The following SPTAN1 variants were observed in gnomAD, a reference collection of about 807,000 sequenced individuals.
The protein encoded by SPTAN1 is spectrin alpha, non-erythrocytic 1.
A neutral mutation model predicts 331.3 loss-of-function variants in SPTAN1; 61 were observed. That is an observed-to-expected ratio of 0.18 (90% CI 0.15 to 0.23). The LOEUF (loss-of-function observed/expected upper bound fraction) is 0.23. Among genes scored for constraint, SPTAN1 ranks in the 10% least tolerant of loss-of-function variants. The pLI is 1.00. For missense variants in SPTAN1, 2,043 were observed against 3,147.9 expected, an observed-to-expected ratio of 0.65 and a Z score of 8.40; for synonymous variants, 1,153 against 1,173.9, an observed-to-expected ratio of 0.98 and a Z score of 0.36.
At chr9:128,581,735 T>G (rs776004002) in intron 11 of SPTAN1, 47 bp from the exon 12 acceptor site, 9 of 1,462,190 alleles carry the variant, frequency 6.2e-6, no homozygotes, top group Non-Finnish European at 8.6e-6. Context: ...TCTTAGAAGA[T>G]CAAAGGAATA....
chr9:128,579,205 A>G (rs191522386), intron 9 of SPTAN1, among the ~76,000 whole-genome samples: 124 of 152,282 alleles, frequency 8.1e-4, no homozygotes, highest in African/African-American at 3.0e-3. Context: ...TTGCAATGAG[A>G]TAAGCTGATT....
At chr9:128,594,092 A>G in intron 23 of SPTAN1, 83 bp from the exon 24 acceptor site, 1 of 1,303,522 alleles carries the variant, frequency 7.7e-7, no homozygotes, top group Middle Eastern at 2.1e-4. Flanking sequence ...CATCTTGGAG[A>G]CACCTCGTGG....
intron 31 of SPTAN1, among the ~76,000 whole-genome samples, chr9:128,606,496 T>G (rs13283766): frequency 2.7e-4 from 34 of 126,626 alleles, no homozygotes; most frequent in Non-Finnish European, 4.3e-4. Flanking sequence ...TATTTTTTTT[T>G]TGGGGGGGGA....
At chr9:128,630,404 A>G (rs1194811926) in intron 52 of SPTAN1, 29 bp downstream of exon 52, 2 of 1,611,286 alleles carry the variant, frequency 1.2e-6, no homozygotes, top group Non-Finnish European at 1.7e-6. Context: ...CTGGCCCAGC[A>G]GAGACCCTTC....
At chr9:128,596,985 C>T (rs1251516310) in intron 24 of SPTAN1, among the ~76,000 whole-genome samples, 1 of 152,154 alleles carries the variant, frequency 6.6e-6, no homozygotes, top group Non-Finnish European at 1.5e-5. Flanking sequence ...CATGGCAAAA[C>T]CCCATCTCTG....
At chr9:128,619,273 A>G (rs1030498425) in intron 44 of SPTAN1, among the ~76,000 whole-genome samples, 1 of 152,140 alleles carries the variant, frequency 6.6e-6, no homozygotes. Flanking sequence ...TCTTCATATC[A>G]GTTTCCTGGG....
At chr9:128,614,330 G>A (rs1856884988) in intron 40 of SPTAN1, among the ~76,000 whole-genome samples, 1 of 152,022 alleles carries the variant, frequency 6.6e-6, no homozygotes, top group African/African-American at 2.4e-5. Flanking sequence ...GGTGAGTCAT[G>A]CCTGTAATCG....
At chr9:128,619,740 T>C (rs1252925804) in intron 44 of SPTAN1, among the ~76,000 whole-genome samples, 2 of 152,370 alleles carry the variant, frequency 1.3e-5, no homozygotes, top group African/African-American at 2.4e-5. Flanking sequence ...TCACCATCTC[T>C]TGAGGGGGAC....
intron 27 of SPTAN1, 147 bp downstream of exon 27, chr9:128,600,262 TAA>T (rs776714593): frequency 4.2e-5 from 37 of 876,446 alleles, no homozygotes; most frequent in Non-Finnish European, 6.8e-5. Flanking sequence ...CTGAATCTGT[TAA>T]CTCTAAAATG....
At position 128,555,207 on chromosome 9, in the gene SPTAN1, G is replaced by A. The variant is rs919159748; in HGVS notation, c.-4+2511G>A. ...GTGGGATTTAGACGCTATACAGAAT[G>A]TCAGAGAGAAGACACTGAAAAAATA... On this transcript the variant is annotated intron_variant, in intron 1 of 56. Transcript: ENST00000372739. 3.0e-5 allele frequency: 15 copies of A among 504,282 alleles called. No homozygotes were observed. In the Admixed American group the frequency reaches 4.7e-4, roughly 16 times the overall value. The allele number at this position is 504,282 out of a possible 1,614,324, so 31.2% of individuals were successfully genotyped here.
chr9:128,576,545 CTATT>C (rs977609801), intron 5 of SPTAN1, among the ~76,000 whole-genome samples: 7 of 152,174 alleles, frequency 4.6e-5, no homozygotes, highest in African/African-American at 1.7e-4. Flanking sequence ...TGTTGCCAAA[CTATT>C]TATTAACATA....
At chr9:128,566,437 G>A (rs1850047043) in intron 1 of SPTAN1, among the ~76,000 whole-genome samples, 1 of 152,146 alleles carries the variant, frequency 6.6e-6, no homozygotes, top group Non-Finnish European at 1.5e-5. Context: ...TGAAGCCTTT[G>A]TAGAATTGAC....
chr9:128,602,528 A>C (rs1200831277), intron 27 of SPTAN1, among the ~76,000 whole-genome samples: 3 of 148,190 alleles, frequency 2.0e-5, no homozygotes, highest in Non-Finnish European at 3.0e-5. Context: ...CTTGTTCTTT[A>C]CTCAAAGGGT....
At chr9:128,608,550 CTGTT>C (rs1345045869) in intron 34 of SPTAN1, among the ~76,000 whole-genome samples, 6 of 152,064 alleles carry the variant, frequency 3.9e-5, no homozygotes, top group African/African-American at 7.2e-5. Context: ...AGATGTAAAA[CTGTT>C]TGATTTATAC....
Position 128,633,627 on chromosome 9 carries a change from C to A in SPTAN1, c.*293C>A, listed in dbSNP as rs1317750308. ...TCCCACCCTCCCCCAAATCTGTTTT[C>A]ATGTAAAAGACAAATAAATGATGAC... On this transcript the variant is annotated 3_prime_UTR_variant, in exon 57 of 57. Coordinates refer to ENST00000372739, the MANE Select transcript of SPTAN1 (RefSeq NM_001130438.3). 7 of 1,304,540 alleles carry A rather than the reference C, an allele frequency of 5.4e-6. No individual in the cohort carries two copies. Among genetic ancestry groups the A allele is most frequent in the Non-Finnish European group, 7.4e-6 (7 of 945,444 alleles). 80.8% of individuals were successfully genotyped at this position (1,304,540 alleles called of 1,614,324 possible). A position where few individuals can be genotyped will look rare whatever the true frequency, so the allele number is the denominator to read the frequency against.
intron 1 of SPTAN1, among the ~76,000 whole-genome samples, chr9:128,556,025 G>C (rs1444114756): frequency 6.6e-6 from 1 of 151,976 alleles, no homozygotes; most frequent in East Asian, 1.9e-4. Context: ...TTCAAGACCA[G>C]CCTGGCCAAC....
At chr9:128,609,397 G>A (rs2131638320) in intron 36 of SPTAN1, 113 bp downstream of exon 36, 1 of 1,512,872 alleles carries the variant, frequency 6.6e-7, no homozygotes, top group Non-Finnish European at 9.0e-7. Flanking sequence ...AAGTCAGTGA[G>A]AAATATTTCA....
Position 128,581,793 on chromosome 9 carries a change from G to C in SPTAN1, c.1473G>C (p.Leu491Phe), listed in dbSNP as rs1851982070. The C allele has an allele frequency of 1.2e-6, 2 of 1,613,760 alleles. No individual in the cohort carries two copies. The highest frequency in any genetic ancestry group is 1.7e-5 in the Admixed American group (1 of 60,010). Reference protein sequence around the residue: ...NWMSKQEAFLLNEDLGDSLDS... With the variant: ...NWMSKQEAFLFNEDLGDSLDS... ...TTTCCTTTGGCAAGGCGTTCCTGTT[G>C]AATGAAGACTTGGGAGATTCCTTGG... The change falls in exon 12 of 57, where the codon TTG becomes TTC. Residue 491 changes from leucine to phenylalanine, a missense_variant. Leu to Phe is a conservative substitution (Grantham distance 22). Transcript: ENST00000372739.
intron 19 of SPTAN1, among the ~76,000 whole-genome samples, chr9:128,587,315 G>A (rs184085066): frequency 6.6e-6 from 1 of 150,782 alleles, no homozygotes; most frequent in African/African-American, 2.4e-5. Flanking sequence ...GAACTCCTGG[G>A]CTCAAGCTGT....
Sources: gnomAD v4.1 joint callset for allele counts (sites outside exome capture counted in the v4.1 genomes callset) on GRCh38, gnomAD v4.1.1 for gene constraint, MANE v1.5 for transcripts, NCBI Gene and HGNC (gene_info 2026-07-23, HGNC 2026-07-21) for gene names.